Variants in PFKFB3 observed in about 807,000 individuals in gnomAD.
PFKFB3 encodes 6-phosphofructo-2-kinase/fructose-2,6-bisphosphatase 3.
PFKFB3 carries 33 observed loss-of-function variants against 68.0 expected under a neutral mutation model. That is an observed-to-expected ratio of 0.49 (90% CI 0.37 to 0.65). The LOEUF is 0.65. PFKFB3 is among the 30% of genes least tolerant of loss of function. PFKFB3 has a pLI of 0.00. For missense variants in PFKFB3, 586 were observed against 712.2 expected, an observed-to-expected ratio of 0.82 and a Z score of 2.02; for synonymous variants, 315 against 288.2, an observed-to-expected ratio of 1.09 and a Z score of -0.94.
chr10:6,318,786 G>T, the PFKFB3 span, among the ~76,000 whole-genome samples: 1 of 152,172 alleles, frequency 6.6e-6, no homozygotes. Context: ...TCCTCGGGGT[G>T]GTGAACTCTG....
chr10:6,239,032 G>C, downstream of PFKFB3, among the ~76,000 whole-genome samples: 1 of 152,196 alleles, frequency 6.6e-6, no homozygotes, highest in South Asian at 2.1e-4. Context: ...ATGAACATAC[G>C]CGTGCATGTG....
At chr10:6,287,719 T>G in the PFKFB3 span, among the ~76,000 whole-genome samples, 4 of 152,340 alleles carry the variant, frequency 2.6e-5, no homozygotes, top group African/African-American at 9.6e-5. Flanking sequence ...TTGTCCGTTA[T>G]ATGATTGCTG....
intron 1 of PFKFB3, among the ~76,000 whole-genome samples, chr10:6,212,692 G>T (rs1844308081): frequency 6.6e-6 from 1 of 152,176 alleles, no homozygotes; most frequent in Non-Finnish European, 1.5e-5. Flanking sequence ...TAGAGGCAGG[G>T]CCTTGCTATG....
chr10:6,300,983 C>T, the PFKFB3 span, among the ~76,000 whole-genome samples: 1 of 152,180 alleles, frequency 6.6e-6, no homozygotes, highest in Admixed American at 6.5e-5. Flanking sequence ...GGTGGGAGGA[C>T]ACCTGAGGGG....
At chr10:6,210,336 GT>G (rs35193180) in intron 1 of PFKFB3, among the ~76,000 whole-genome samples, 24,875 of 60,922 alleles carry the variant, frequency 0.41, 7,163 homozygotes, top group South Asian at 0.7. Flanking sequence ...CCCTCTCTTT[GT>G]TTTTTTTTGT....
chr10:6,231,688 A>G (rs367943603), intron 14 of PFKFB3: 43 of 655,762 alleles, frequency 6.6e-5, no homozygotes, highest in East Asian at 1.4e-4. Context: ...CTCCCTAGAT[A>G]TGAGGACCCA....
chr10:6,278,564 C>T, the PFKFB3 span, among the ~76,000 whole-genome samples: 60 of 152,282 alleles, frequency 3.9e-4, no homozygotes, highest in African/African-American at 8.4e-4. Context: ...CGTGAGCCAC[C>T]GTGCCTGGCC....
intron 1 of PFKFB3, among the ~76,000 whole-genome samples, chr10:6,207,596 T>C (rs2131893939): frequency 6.6e-6 from 1 of 152,338 alleles, no homozygotes; most frequent in East Asian, 1.9e-4. Context: ...CCAGCCTCCC[T>C]GAGGTTTATT....
chr10:6,155,166 C>G (rs532747397), intron 1 of PFKFB3, among the ~76,000 whole-genome samples: 1 of 151,514 alleles, frequency 6.6e-6, no homozygotes, highest in African/African-American at 2.4e-5. Context: ...TGAGCATGCT[C>G]TCTTCCAAGC....
downstream of PFKFB3, among the ~76,000 whole-genome samples, chr10:6,258,891 T>C (rs567714032): frequency 6.6e-6 from 1 of 152,340 alleles, no homozygotes; most frequent in South Asian, 2.1e-4. Context: ...TGGAAAGGCC[T>C]GCAAAAATGG....
chr10:6,309,995 A>G, the PFKFB3 span, among the ~76,000 whole-genome samples: 12 of 152,184 alleles, frequency 7.9e-5, no homozygotes, highest in Non-Finnish European at 1.3e-4. Flanking sequence ...AACAGCTTGG[A>G]TTGACGGGCA....
At chr10:6,255,043 C>T (rs1846474305), downstream of PFKFB3, among the ~76,000 whole-genome samples, 1 of 151,770 alleles carries the variant, frequency 6.6e-6, no homozygotes, top group Non-Finnish European at 1.5e-5. Context: ...TCTCGAACTC[C>T]TGATCTCAAG....
the PFKFB3 span, among the ~76,000 whole-genome samples, chr10:6,309,149 A>C: frequency 6.6e-6 from 1 of 151,978 alleles, no homozygotes; most frequent in Non-Finnish European, 1.5e-5. Context: ...AAATTGTAAA[A>C]AATGAAAACC....
chr10:6,244,591 G>A (rs558415000), intron 14 of PFKFB3, among the ~76,000 whole-genome samples: 13 of 152,184 alleles, frequency 8.5e-5, no homozygotes, highest in Admixed American at 2.6e-4. Flanking sequence ...AGATTCTGTC[G>A]CTATTCTCTT....
At chr10:6,275,224 CGA>C in the PFKFB3 span, among the ~76,000 whole-genome samples, 1 of 152,208 alleles carries the variant, frequency 6.6e-6, no homozygotes, top group Non-Finnish European at 1.5e-5. This position sits in a 1 kb window ranked among gnomAD's most constrained non-coding sequence, Gnocchi z 4.9. Flanking sequence ...GGCGACAAAC[CGA>C]TGTGGCCTCT....
At chr10:6,244,305 G>A (rs1465720610) in intron 14 of PFKFB3, among the ~76,000 whole-genome samples, 3 of 152,178 alleles carry the variant, frequency 2.0e-5, no homozygotes, top group Admixed American at 6.5e-5. Flanking sequence ...TGAAGGCCAC[G>A]TAGTGAAGAC....
At chr10:6,295,448 C>T in the PFKFB3 span, among the ~76,000 whole-genome samples, 1 of 152,114 alleles carries the variant, frequency 6.6e-6, no homozygotes, top group African/African-American at 2.4e-5. Context: ...TGGTCTTGAA[C>T]TCCTGACCTC....
chr10:6,285,933 C>T, the PFKFB3 span, among the ~76,000 whole-genome samples: 9 of 148,576 alleles, frequency 6.1e-5, no homozygotes, highest in Non-Finnish European at 8.9e-5. Flanking sequence ...GTATGTACTA[C>T]GTTTTAAAAT....
At chr10:6,231,105 G>T (rs750011870) in intron 14 of PFKFB3, among the ~76,000 whole-genome samples, 2 of 152,128 alleles carry the variant, frequency 1.3e-5, no homozygotes, top group African/African-American at 2.4e-5. Context: ...CTTCCTGGGG[G>T]CTGTGCCGGC....
Sources: gnomAD v4.1 joint callset for allele counts (sites outside exome capture counted in the v4.1 genomes callset) on GRCh38, gnomAD v4.1.1 for gene constraint, Gnocchi (gnomAD v3.1) non-coding constraint, MANE v1.5 for transcripts, NCBI Gene and HGNC (gene_info 2026-07-23, HGNC 2026-07-21) for gene names.